GPBP1L1: variants seen among roughly 807,000 people sequenced by gnomAD.
The protein encoded by GPBP1L1 is GC-rich promoter binding protein 1 like 1.
Under a neutral mutation model 52.5 loss-of-function variants are expected in GPBP1L1, and 23 were observed. The ratio of observed to expected loss-of-function variants is 0.44; its 90% CI spans 0.32 to 0.62. The LOEUF is 0.62. Among genes scored for constraint, GPBP1L1 ranks in the 20% least tolerant of loss-of-function variants. The probability of loss-of-function intolerance (pLI) is 0.06; values close to 1 mark genes in which losing one functional copy is unlikely to be tolerated. For synonymous variants in GPBP1L1, 243 were observed against 203.1 expected (o/e 1.20, Z -1.67); for missense variants, 596 against 579.3 (o/e 1.03, Z -0.30).
intron 2 of GPBP1L1, among the ~76,000 whole-genome samples, chr1:45,666,603 A>C (rs1645014078): frequency 1.3e-5 from 2 of 152,196 alleles, no homozygotes; most frequent in South Asian, 4.1e-4. Context: ...AGAAATTAGA[A>C]ACCTAATGTA....
intron 8 of GPBP1L1, among the ~76,000 whole-genome samples, chr1:45,637,649 T>C (rs1178582064): frequency 6.6e-6 from 1 of 152,120 alleles, no homozygotes; most frequent in Non-Finnish European, 1.5e-5. Context: ...TTTTGATTTA[T>C]GAGATCCTTG....
chr1:45,678,069 A>C (rs1335106317), intron 2 of GPBP1L1, among the ~76,000 whole-genome samples: 1 of 152,210 alleles, frequency 6.6e-6, no homozygotes, highest in East Asian at 1.9e-4. Flanking sequence ...ACAAAAGACC[A>C]CATGGTATAC....
intron 6 of GPBP1L1, among the ~76,000 whole-genome samples, chr1:45,643,508 G>A (rs905346140): frequency 4.6e-5 from 7 of 151,998 alleles, no homozygotes; most frequent in Non-Finnish European, 8.8e-5. Flanking sequence ...TCCATAGTCC[G>A]GGAGGGTAAT....
chr1:45,678,675 C>T (rs1645176508), intron 2 of GPBP1L1, among the ~76,000 whole-genome samples: 1 of 152,120 alleles, frequency 6.6e-6, no homozygotes, highest in Non-Finnish European at 1.5e-5. Context: ...ATCAGTGTCA[C>T]TGAAAAATAA....
rs572484897 is a variant in GPBP1L1 at position 45,675,181 on chromosome 1, C to T, written c.-1098+10395G>A. ...GCGTGGAGGTGCATGCCTGTAGTCC[C>T]AGCTACTTGGGAGGCTGAGGCAGGA... On this transcript the variant is annotated intron_variant, in intron 2 of 12. Transcript: ENST00000355105. Among the ~76,000 whole-genome samples the T allele has an allele frequency of 2.0e-5, 3 of 152,098 alleles. No individual in the cohort carries two copies. In the South Asian group the frequency reaches 6.2e-4, roughly 32 times the overall value.
At chr1:45,649,621 T>A (rs939679684) in intron 6 of GPBP1L1, among the ~76,000 whole-genome samples, 4 of 152,222 alleles carry the variant, frequency 2.6e-5, no homozygotes, top group African/African-American at 9.6e-5. Context: ...TATTTCTCAG[T>A]GCCATCATAT....
At chr1:45,644,157 A>G (rs1644710272) in intron 6 of GPBP1L1, among the ~76,000 whole-genome samples, 1 of 152,092 alleles carries the variant, frequency 6.6e-6, no homozygotes, top group South Asian at 2.1e-4. Flanking sequence ...GAAACTACCA[A>G]CTCTCTATAT....
chr1:45,649,591 G>A (rs1412944743), intron 6 of GPBP1L1, among the ~76,000 whole-genome samples: 1 of 152,064 alleles, frequency 6.6e-6, no homozygotes, highest in African/African-American at 2.4e-5. Flanking sequence ...TGGAAGGAAT[G>A]TTACAGAGGT....
intron 2 of GPBP1L1, among the ~76,000 whole-genome samples, chr1:45,668,241 T>C (rs1395852099): frequency 3.3e-5 from 5 of 152,204 alleles, no homozygotes; most frequent in African/African-American, 7.2e-5. Flanking sequence ...GGTTGATGAA[T>C]GACAGTTTAG....
At chr1:45,664,558 C>A (rs890175347) in intron 2 of GPBP1L1, among the ~76,000 whole-genome samples, 1 of 152,090 alleles carries the variant, frequency 6.6e-6, no homozygotes, top group Non-Finnish European at 1.5e-5. Flanking sequence ...GAGCAAGACT[C>A]TGCCTCAAAT....
chr1:45,683,022 A>C (rs891030964), intron 2 of GPBP1L1, among the ~76,000 whole-genome samples: 1 of 151,308 alleles, frequency 6.6e-6, no homozygotes, highest in Non-Finnish European at 1.5e-5. Flanking sequence ...CTATCTGAAC[A>C]ACCATAAATA....
intron 4 of GPBP1L1, among the ~76,000 whole-genome samples, chr1:45,657,094 T>C (rs1644894289): frequency 6.6e-6 from 1 of 152,228 alleles, no homozygotes; most frequent in Non-Finnish European, 1.5e-5. Context: ...GAATGTCTTC[T>C]AATTCTTTTT....
At chr1:45,652,953 T>C (rs900438740) in intron 6 of GPBP1L1, among the ~76,000 whole-genome samples, 1 of 152,200 alleles carries the variant, frequency 6.6e-6, no homozygotes, top group African/African-American at 2.4e-5. Context: ...GTATAAATAA[T>C]AAAGATTACA....
chr1:45,681,834 G>T (rs1645215938), intron 2 of GPBP1L1, among the ~76,000 whole-genome samples: 1 of 152,150 alleles, frequency 6.6e-6, no homozygotes, highest in African/African-American at 2.4e-5. Flanking sequence ...CAAATGGTCT[G>T]GCTACAAAGC....
rs1569757110 is a variant in GPBP1L1 at position 45,633,925 on chromosome 1, ATT to A, written c.885+169_885+170del. 6.7e-6 allele frequency: 5 copies of A among 742,180 alleles called. No homozygotes were observed. The East Asian group carries it at 1.4e-4, about 20-fold the overall frequency. The allele number at this position is 742,180 out of a possible 1,614,324, so 46.0% of individuals were successfully genotyped here. ...TGGTCCACCACAGAGCATCTATCCC[ATT>A]TAGCCACTGCCCACTTTTGGATGCT... On this transcript the variant is annotated intron_variant, in intron 9 of 12. Coordinates refer to ENST00000355105, the MANE Select transcript of GPBP1L1 (RefSeq NM_021639.5).
intron 4 of GPBP1L1, 51 bp from the exon 5 acceptor site, chr1:45,655,370 T>C: frequency 6.3e-7 from 1 of 1,582,872 alleles, no homozygotes. Context: ...TATTAGTCCT[T>C]TTCAATATCT....
chr1:45,643,687 T>G (rs113069599), intron 6 of GPBP1L1, among the ~76,000 whole-genome samples: 26,364 of 116,002 alleles, frequency 0.23, 2,639 homozygotes, highest in Middle Eastern at 0.27. Flanking sequence ...TTTTTTTTTT[T>G]GTGACAGAGT....
intron 6 of GPBP1L1, among the ~76,000 whole-genome samples, chr1:45,652,005 T>C (rs1644824997): frequency 6.6e-6 from 1 of 152,206 alleles, no homozygotes; most frequent in Non-Finnish European, 1.5e-5. Context: ...ATATTTGCTA[T>C]AGAGTAGTAA....
At chr1:45,685,656 T>C (rs1038693388) in intron 1 of GPBP1L1, 36 bp from the exon 2 acceptor site, 3 of 152,272 alleles carry the variant, frequency 2.0e-5, no homozygotes, top group African/African-American at 7.2e-5. Context: ...ATTCAGTTAA[T>C]GTCCCCACAG....
Sources: gnomAD v4.1 joint callset for allele counts (sites outside exome capture counted in the v4.1 genomes callset) on GRCh38, gnomAD v4.1.1 for gene constraint, MANE v1.5 for transcripts, NCBI Gene and HGNC (gene_info 2026-07-23, HGNC 2026-07-21) for gene names.